The following SMAD1 variants were observed in gnomAD, a reference collection of about 807,000 sequenced individuals.
The protein encoded by SMAD1 is MAD, mothers against decapentaplegic homolog 1.
In SMAD1, 6 loss-of-function variants were observed where a neutral mutation model predicts 41.6. The ratio of observed to expected loss-of-function variants is 0.14; its 90% confidence interval spans 0.08 to 0.28. The LOEUF (loss-of-function observed/expected upper bound fraction) is 0.28, where lower values mean the gene tolerates loss of function less well. Among genes scored for constraint, SMAD1 ranks in the 10% least tolerant of loss-of-function variants. SMAD1 has a pLI of 1.00. For synonymous variants in SMAD1, 206 were observed against 203.2 expected, an observed-to-expected ratio of 1.01 and a Z score of -0.12; for missense variants, 379 against 582.6, an observed-to-expected ratio of 0.65 and a Z score of 3.60.
Position 145,487,372 on chromosome 4 carries a change from T to C in SMAD1, c.-177+5334T>C, listed in dbSNP as rs114784658. On this transcript the variant is annotated intron_variant, in intron 1 of 6. Transcript: ENST00000302085. The stretch of plus-strand genomic sequence containing the variant: ...AATATAAAAAAGTGGAAAAAATCGG[T>C]TTTAAGTCATAGCATGTCTTTGAGG... 9.1e-3 allele frequency among the ~76,000 whole-genome samples: 1,386 copies of C among 152,220 alleles called. 33 individuals carry two copies. Among genetic ancestry groups the C allele is most frequent in the African/African-American group, 0.031 (1,295 of 41,528 alleles).
chr4:145,494,983 C>T (rs547054300), intron 1 of SMAD1, among the ~76,000 whole-genome samples: 118 of 152,248 alleles, frequency 7.8e-4, no homozygotes, highest in African/African-American at 2.7e-3. Flanking sequence ...CTGTGAATCC[C>T]GGAGTCTGCA....
At chr4:145,510,567 AAAATC>A (rs1318387210) in intron 1 of SMAD1, among the ~76,000 whole-genome samples, 1 of 152,150 alleles carries the variant, frequency 6.6e-6, no homozygotes, top group African/African-American at 2.4e-5. Context: ...TAGTTATACT[AAAATC>A]AAAGAATATG....
intron 2 of SMAD1, among the ~76,000 whole-genome samples, chr4:145,537,658 T>TAC (rs374913725): frequency 6.6e-6 from 1 of 152,080 alleles, no homozygotes; most frequent in African/African-American, 2.4e-5. Context: ...AACAAGATGC[T>TAC]ACACACACAC....
At chr4:145,541,894 G>A (rs1027284474) in intron 3 of SMAD1, among the ~76,000 whole-genome samples, 17 of 152,180 alleles carry the variant, frequency 1.1e-4, no homozygotes, top group African/African-American at 2.9e-4. Context: ...TGCAAGACTT[G>A]TGTTAGTGTT....
rs73852353 is a variant in SMAD1, at chr4:145,553,690, C to T, written c.998-94C>T. 9.6e-3 allele frequency: 10,976 copies of T among 1,139,894 alleles called. 348 individuals carry two copies. Among genetic ancestry groups the T allele is most frequent in the African/African-American group, 0.084 (5,430 of 64,842 alleles). The allele number at this position is 1,139,894 out of a possible 1,614,324, so 70.6% of individuals were successfully genotyped here. A position where few individuals can be genotyped will look rare whatever the true frequency, so the allele number is the denominator to read the frequency against. On this transcript the variant is annotated intron_variant, in intron 5 of 6. Transcript: ENST00000302085. ...TAGCTAACTAGCCAAAGTTTAAATC[C>T]ATGTATATTTAAGTTTCTGTGTTGA...
chr4:145,497,254 T>G (rs906537236), intron 1 of SMAD1: 3 of 152,220 alleles, frequency 2.0e-5, no homozygotes, highest in African/African-American at 7.2e-5. Flanking sequence ...ATTTGGACTA[T>G]TTGGATTTCC....
At chr4:145,541,782 A>G (rs1181628466) in intron 3 of SMAD1, among the ~76,000 whole-genome samples, 2 of 152,202 alleles carry the variant, frequency 1.3e-5, no homozygotes, top group Admixed American at 1.3e-4. Flanking sequence ...AGGCTCTGAC[A>G]CATATGCTAG....
At chr4:145,540,835 G>T (rs1159264675) in intron 3 of SMAD1, among the ~76,000 whole-genome samples, 2 of 151,960 alleles carry the variant, frequency 1.3e-5, no homozygotes, top group East Asian at 3.8e-4. Flanking sequence ...TTTTCGGAAG[G>T]GAAAATGACT....
In SMAD1 at chr4:145,543,547, G is replaced by C. The variant is rs751556756; in HGVS notation, c.775+849G>C. Among the ~76,000 whole-genome samples the C allele has an allele frequency of 3.1e-4, 47 of 152,120 alleles. 1 individual carries two copies. Among genetic ancestry groups the C allele is most frequent in the Non-Finnish European group, 1.2e-4 (8 of 68,032 alleles). On this transcript the variant is annotated intron_variant, in intron 4 of 6. Coordinates refer to ENST00000302085, the MANE Select transcript of SMAD1 (RefSeq NM_005900.3). ...GAGGCACAAGTTTTTCCCCTTCTCA[G>C]CCTGAAGAACTTGCAAGCAGAAATG...
At chr4:145,539,599 G>A (rs1410591551) in intron 2 of SMAD1, among the ~76,000 whole-genome samples, 1 of 152,186 alleles carries the variant, frequency 6.6e-6, no homozygotes, top group Non-Finnish European at 1.5e-5. Context: ...TATGTCATCA[G>A]TGATTCTAAA....
intron 1 of SMAD1, chr4:145,497,092 A>G (rs976566154): frequency 3.3e-5 from 5 of 152,212 alleles, no homozygotes; most frequent in African/African-American, 1.2e-4. Flanking sequence ...TTCTCAGGGC[A>G]TATTGTAGTT....
chr4:145,520,494 T>C (rs1466121180), intron 2 of SMAD1, among the ~76,000 whole-genome samples: 16 of 152,316 alleles, frequency 1.1e-4, no homozygotes, highest in Middle Eastern at 3.4e-3. Context: ...AGGCAAGTCA[T>C]CAAGTCCGAT....
At chr4:145,528,432 G>GA (rs2126473641) in intron 2 of SMAD1, among the ~76,000 whole-genome samples, 1 of 152,148 alleles carries the variant, frequency 6.6e-6, no homozygotes, top group Admixed American at 6.5e-5. Context: ...TAGAGACGGG[G>GA]GGTTTCACTA....
intron 1 of SMAD1, among the ~76,000 whole-genome samples, chr4:145,504,201 C>G (rs934487227): frequency 6.6e-6 from 1 of 152,162 alleles, no homozygotes; most frequent in African/African-American, 2.4e-5. Context: ...TTCCAAGAAC[C>G]CGTAAGGACT....
At chr4:145,515,133 ACT>A in intron 2 of SMAD1, 120 bp downstream of exon 2, 3 of 729,372 alleles carry the variant, frequency 4.1e-6, no homozygotes, top group Non-Finnish European at 6.3e-6. Context: ...ATTTGGGGAA[ACT>A]GTGTGTGTGT....
intron 2 of SMAD1, among the ~76,000 whole-genome samples, chr4:145,528,010 G>A (rs1731118856): frequency 1.3e-5 from 2 of 150,908 alleles, no homozygotes; most frequent in Admixed American, 1.3e-4. Context: ...CCTCCCGAGT[G>A]TCTGGGACTA....
chr4:145,520,540 G>A (rs1032335226), intron 2 of SMAD1, among the ~76,000 whole-genome samples: 6 of 152,230 alleles, frequency 3.9e-5, no homozygotes, highest in Admixed American at 2.0e-4. Context: ...CAGAAGAGAT[G>A]CTAATGAGCT....
chr4:145,530,740 A>C (rs966723244), intron 2 of SMAD1, among the ~76,000 whole-genome samples: 3 of 151,332 alleles, frequency 2.0e-5, no homozygotes, highest in Non-Finnish European at 4.4e-5. Context: ...TCTTGCCCCC[A>C]AAAAAACAAA....
At chr4:145,557,544 C>G (rs1732909261) in intron 6 of SMAD1, among the ~76,000 whole-genome samples, 1 of 152,136 alleles carries the variant, frequency 6.6e-6, no homozygotes. Flanking sequence ...CTTCATTCCT[C>G]AAGACCAGCA....
Sources: allele counts gnomAD v4.1 joint callset (sites outside exome capture counted in the v4.1 genomes callset), GRCh38; gene constraint gnomAD v4.1.1; transcripts MANE v1.5; gene names NCBI Gene and HGNC (gene_info 2026-07-23, HGNC 2026-07-21).